SLC34A1: variants seen among roughly 807,000 people sequenced by gnomAD.
The protein encoded by SLC34A1 is solute carrier family 34 member 1.
A neutral mutation model predicts 51.4 loss-of-function variants in SLC34A1; 57 were observed. The ratio of observed to expected loss-of-function variants is 1.11; its 90% CI spans 0.90 to 1.38. SLC34A1 has a LOEUF of 1.38. Ranked by LOEUF, SLC34A1 falls within the 40% of genes most tolerant of loss-of-function variation. The pLI, the probability that SLC34A1 is intolerant of heterozygous loss-of-function variation, is 0.00. For missense variants in SLC34A1, 796 were observed against 835.6 expected (o/e 0.95, Z 0.58); for synonymous variants, 368 against 358.0 (o/e 1.03, Z -0.32).
Position 177,387,984 on chromosome 5 carries a change from C to T in SLC34A1, c.645-10C>T. On this transcript the variant is annotated splice_polypyrimidine_tract_variant and intron_variant, in intron 6 of 12. Transcript: ENST00000324417. ...TCGAGCCTGCCTTGCAATGTGGCCTCCCTGCCCAGGGCCTTCGCGGGGGCC... is the reference window on the plus strand; with the variant it reads ...TCGAGCCTGCCTTGCAATGTGGCCTTCCTGCCCAGGGCCTTCGCGGGGGCC... The T allele has an allele frequency of 6.2e-7, 1 of 1,612,248 alleles. No homozygotes were observed. The highest frequency in any genetic ancestry group is 8.5e-7 in the Non-Finnish European group (1 of 1,178,868).
intron 8 of SLC34A1, among the ~76,000 whole-genome samples, chr5:177,391,964 T>C (rs966476781): frequency 5.9e-5 from 9 of 152,190 alleles, no homozygotes; most frequent in Non-Finnish European, 8.8e-5. Context: ...TCGCAGCAGT[T>C]ACCGTTGCTT....
At chr5:177,397,499 T>G in intron 12 of SLC34A1, 1 of 549,502 alleles carries the variant, frequency 1.8e-6, no homozygotes. Flanking sequence ...AGCTGCTGGA[T>G]TTTGGCAGTA....
rs971064290 is a variant in SLC34A1, at chr5:177,386,949, A to G, written c.532+383A>G. Among the ~76,000 whole-genome samples the G allele has an allele frequency of 6.6e-6, 1 of 152,018 alleles. No individual in the cohort carries two copies. On this transcript the variant is annotated intron_variant, in intron 5 of 12. Transcript: ENST00000324417. The surrounding 1 kb of genome is among the most constrained non-coding windows in gnomAD (Gnocchi z 4.8). ...TAGGCTGACCCAGGTTACCAAGGAT[A>G]ATCTCCTTTTCTTAAAGTCAGCTGA...
In SLC34A1 at chr5:177,385,741, G is replaced by A; in HGVS notation, c.-1G>A. ...TGCAGACCTCATAGTGGGTGCCCAG[G>A]ATGTTGTCCTACGGAGAGAGGCTGG... is the stretch of plus-strand genomic sequence containing the variant. On this transcript the variant is annotated 5_prime_UTR_variant, in exon 2 of 13. Transcript: ENST00000324417. The A allele has an allele frequency of 6.2e-7, 1 of 1,611,300 alleles. No homozygotes were observed. The highest frequency in any genetic ancestry group is 8.5e-7 in the Non-Finnish European group (1 of 1,178,606).
Position 177,385,119 on chromosome 5 carries a change from A to G in SLC34A1, c.-47-576A>G, listed in dbSNP as rs541881523. 6.6e-5 allele frequency among the ~76,000 whole-genome samples: 10 copies of G among 152,246 alleles called. No individual in the cohort carries two copies. The South Asian group carries it at 2.1e-3, about 32-fold the overall frequency. On this transcript the variant is annotated intron_variant, in intron 1 of 12. Coordinates refer to ENST00000324417, the MANE Select transcript of SLC34A1 (RefSeq NM_003052.5). ...TGTGAGGGGAACCCAGGAACTCGGG[A>G]TCCGGCCCAGGGGATCTCCGTGTGT... is the stretch of plus-strand genomic sequence containing the variant.
rs1030382825 is a variant in SLC34A1 at position 177,396,149 on chromosome 5, G to A, written c.1175-584G>A. On this transcript the variant is annotated intron_variant, in intron 10 of 12. Coordinates refer to ENST00000324417, the MANE Select transcript of SLC34A1 (RefSeq NM_003052.5). The surrounding 1 kb of genome is among the most constrained non-coding windows in gnomAD (Gnocchi z 4.0). Reference sequence around the variant, plus strand: ...CAAGTACTAGAATAAGGGGTATCATGGGGCTGTGGGAGCTCAGAGAAGGGA... The same window carrying A: ...CAAGTACTAGAATAAGGGGTATCATAGGGCTGTGGGAGCTCAGAGAAGGGA... Among the ~76,000 whole-genome samples, 5 of 152,202 alleles carry A rather than the reference G, an allele frequency of 3.3e-5. No homozygotes were observed. Among genetic ancestry groups the A allele is most frequent in the African/African-American group, 1.2e-4 (5 of 41,440 alleles).
intron 8 of SLC34A1, among the ~76,000 whole-genome samples, chr5:177,392,464 AAAAT>A (rs10625002): frequency 0.29 from 43,662 of 151,124 alleles, 6,622 homozygotes; most frequent in Middle Eastern, 0.36. Context: ...ACTCTGTCTC[AAAAT>A]AAATAAATAA....
chr5:177,397,977 C>T lies in SLC34A1; in HGVS notation c.1611C>T (p.Gly537=), dbSNP rs1419770749. The T allele has an allele frequency of 2.5e-6, 4 of 1,614,146 alleles. No homozygotes were observed. The Admixed American group carries it at 6.7e-5, about 27-fold the overall frequency. The change falls in exon 13 of 13, where the codon GGC becomes GGT. Residue 537 remains glycine, a synonymous_variant. Coordinates refer to ENST00000324417, the MANE Select transcript of SLC34A1 (RefSeq NM_003052.5). ...TGGTGTTTGGCATCTCCATGGCAGG[C>T]TGGCAGGTCATGGTAGGTGTGGGCA... ...PSLVFGISMA[G]WQVMVGVGTP...
Position 177,397,927 on chromosome 5 carries a change from G to A in SLC34A1, c.1561G>A (p.Val521Ile). ...CTGGTTTGCCGTCCTCTATCTCCTT[G>A]TCTGCTTCCTGCTGCTGCCCTCACT... is the stretch of plus-strand genomic sequence containing the variant. ...YRWFAVLYLL[V>I]CFLLLPSLVF... Residue 521 changes from valine to isoleucine, a missense_variant, in exon 13 of 13, where the codon GTC (valine) becomes ATC (isoleucine). Physicochemically the swap from Val to Ile is conservative, Grantham distance 29. Transcript: ENST00000324417. The A allele has an allele frequency of 6.2e-7, 1 of 1,614,030 alleles. No homozygotes were observed. Among genetic ancestry groups the A allele is most frequent in the Non-Finnish European group, 8.5e-7 (1 of 1,180,030 alleles).
At position 177,397,911 on chromosome 5, in the gene SLC34A1, C is replaced by T. The variant is rs747539381; in HGVS notation, c.1545C>T (p.Ala515=). 4.3e-6 allele frequency: 7 copies of T among 1,614,030 alleles called. No individual in the cohort carries two copies. In the East Asian group the frequency reaches 6.7e-5, roughly 15 times the overall value. The change falls in exon 13 of 13, where the codon GCC becomes GCT. Residue 515 remains alanine, a synonymous_variant. Transcript: ENST00000324417. ...GCACGGCCAAGTACCGCTGGTTTGCCGTCCTCTATCTCCTTGTCTGCTTCC... is the reference window on the plus strand; with the variant it reads ...GCACGGCCAAGTACCGCTGGTTTGCTGTCCTCTATCTCCTTGTCTGCTTCC... ...GKRTAKYRWF[A]VLYLLVCFLL...
Position 177,396,064 on chromosome 5 carries a change from G to A in SLC34A1, c.1175-669G>A, listed in dbSNP as rs573122094. 2.6e-5 allele frequency among the ~76,000 whole-genome samples: 4 copies of A among 152,312 alleles called. No individual in the cohort carries two copies. Among genetic ancestry groups the A allele is most frequent in the Admixed American group, 6.5e-5 (1 of 15,296 alleles). On this transcript the variant is annotated intron_variant, in intron 10 of 12. Transcript: ENST00000324417. This position sits in a 1 kb window ranked among gnomAD's most constrained non-coding sequence, Gnocchi z 4.0. Reference sequence around the variant, plus strand: ...CAAAGTGCTGGGATTATAGGTGTGAGCCACCTTGCCCAGCCTTGGTTTTCA... The same window carrying A: ...CAAAGTGCTGGGATTATAGGTGTGAACCACCTTGCCCAGCCTTGGTTTTCA...
rs781624889 is a variant in SLC34A1 at position 177,397,913 on chromosome 5, T to A, written c.1547T>A (p.Val516Asp). The part of the protein sequence containing the change: ...KRTAKYRWFA[V>D]LYLLVCFLLL... ...ACGGCCAAGTACCGCTGGTTTGCCG[T>A]CCTCTATCTCCTTGTCTGCTTCCTG... The change falls in exon 13 of 13, where the codon GTC (valine) becomes GAC (aspartate). Residue 516 changes from valine (V) to aspartate (D), a missense_variant. Transcript: ENST00000324417. The A allele has an allele frequency of 1.2e-6, 2 of 1,613,872 alleles. No homozygotes were observed. Among genetic ancestry groups the A allele is most frequent in the African/African-American group, 2.7e-5 (2 of 74,918 alleles).
At position 177,398,226 on chromosome 5, in the gene SLC34A1, C is replaced by G; in HGVS notation, c.1860C>G (p.Pro620=). The G allele has an allele frequency of 6.2e-7, 1 of 1,601,846 alleles. No homozygotes were observed. The highest frequency in any genetic ancestry group is 8.5e-7 in the Non-Finnish European group (1 of 1,179,824). The change falls in exon 13 of 13, where the codon CCC becomes CCG. Residue 620 remains proline, a synonymous_variant. Coordinates refer to ENST00000324417, the MANE Select transcript of SLC34A1 (RefSeq NM_003052.5). The surrounding 1 kb of genome is among the most constrained non-coding windows in gnomAD (Gnocchi z 4.7). ...LPPRVFLEEL[P]PATPSPRLAL... ...CCAGGGTCTTCCTGGAGGAGCTACC[C>G]CCTGCCACACCCTCCCCCCGTCTTG...
intron 5 of SLC34A1, among the ~76,000 whole-genome samples, chr5:177,387,432 G>C (rs977060775): frequency 1.3e-5 from 2 of 152,100 alleles, no homozygotes; most frequent in African/African-American, 4.8e-5. Context: ...TCACACTCTG[G>C]GGCATGTGTG....
chr5:177,385,909 G>A, intron 2 of SLC34A1, 59 bp downstream of exon 2: 3 of 1,610,070 alleles, frequency 1.9e-6, no homozygotes, highest in Non-Finnish European at 2.5e-6. Context: ...CATCCCGGAT[G>A]AGGCCACTTC....
In SLC34A1 at chr5:177,398,688, G is replaced by A; in HGVS notation, c.*402G>A. ...TGCAGCTGTTTGTGCATAGATGTTGGTGCCTGCGTTACTGAATTTGCACAC... is the reference window on the plus strand; with the variant it reads ...TGCAGCTGTTTGTGCATAGATGTTGATGCCTGCGTTACTGAATTTGCACAC... On this transcript the variant is annotated 3_prime_UTR_variant, in exon 13 of 13. Coordinates refer to ENST00000324417, the MANE Select transcript of SLC34A1 (RefSeq NM_003052.5). This position sits in a 1 kb window ranked among gnomAD's most constrained non-coding sequence, Gnocchi z 4.7. The A allele has an allele frequency of 4.1e-6, 1 of 246,564 alleles. No homozygotes were observed. Among genetic ancestry groups the A allele is most frequent in the East Asian group, 1.0e-4 (1 of 9,664 alleles). 15.3% of individuals were successfully genotyped at this position (246,564 alleles called of 1,614,324 possible).
At chr5:177,389,930 G>C in intron 8 of SLC34A1, 1 of 1,418,254 alleles carries the variant, frequency 7.1e-7, no homozygotes, top group Non-Finnish European at 9.2e-7. Flanking sequence ...CTGCAGGGCA[G>C]GGTCTCATTT....
intron 12 of SLC34A1, chr5:177,397,520 G>A (rs1201766609): frequency 1.7e-6 from 1 of 578,332 alleles, no homozygotes; most frequent in South Asian, 2.0e-5. Flanking sequence ...TCTGCTGGGG[G>A]ATTCCTGTGC....
chr5:177,391,424 T>C (rs1263578723), intron 8 of SLC34A1, among the ~76,000 whole-genome samples: 2 of 152,128 alleles, frequency 1.3e-5, no homozygotes, highest in Non-Finnish European at 2.9e-5. Context: ...CCCAGTAAAG[T>C]TCCCCATTCT....
Sources: gnomAD v4.1 joint callset for allele counts (sites outside exome capture counted in the v4.1 genomes callset) on GRCh38, gnomAD v4.1.1 for gene constraint, Gnocchi (gnomAD v3.1) non-coding constraint, MANE v1.5 for transcripts, NCBI Gene and HGNC (gene_info 2026-07-23, HGNC 2026-07-21) for gene names.